The following LIN52 variants were observed in gnomAD, a reference collection of about 807,000 sequenced individuals.
The protein encoded by LIN52 is lin-52 DREAM MuvB core complex component.
In LIN52, 4 loss-of-function variants were observed where a neutral mutation model predicts 18.5. That is an observed-to-expected ratio of 0.22 (90% CI 0.11 to 0.49). LIN52 has a LOEUF of 0.49. LIN52 is among the 20% of genes least tolerant of loss of function. The probability of loss-of-function intolerance (pLI) is 0.97; values close to 1 mark genes in which losing one functional copy is unlikely to be tolerated. For synonymous variants in LIN52, 34 were observed against 45.5 expected, an observed-to-expected ratio of 0.75 and a Z score of 1.02; for missense variants, 102 against 139.5, an observed-to-expected ratio of 0.73 and a Z score of 1.35.
Position 74,138,445 on chromosome 14 carries a change from G to C in LIN52, c.283+37207G>C, listed in dbSNP as rs143725713. Among the ~76,000 whole-genome samples the C allele has an allele frequency of 4.0e-3, 613 of 152,296 alleles. 3 individuals are homozygous for C. Among genetic ancestry groups the C allele is most frequent in the Non-Finnish European group, 5.0e-3 (340 of 68,034 alleles). ...CTTGTGACTAGGAGAATACAATTTA[G>C]TGTGGAACTGAGATATGCATTATAA... is the stretch of plus-strand genomic sequence containing the variant. On this transcript the variant is annotated intron_variant, in intron 5 of 5. Transcript: ENST00000555028.
At chr14:74,128,800 C>T (rs1310075333) in intron 5 of LIN52, among the ~76,000 whole-genome samples, 2 of 151,994 alleles carry the variant, frequency 1.3e-5, no homozygotes, top group African/African-American at 4.8e-5. Flanking sequence ...GAACATTAGC[C>T]TGCTGTGGTG....
intron 5 of LIN52, among the ~76,000 whole-genome samples, chr14:74,144,772 A>G (rs1226164499): frequency 3.3e-5 from 5 of 152,252 alleles, no homozygotes; most frequent in Non-Finnish European, 5.9e-5. Flanking sequence ...GGTATGAATT[A>G]TTCTATAATT....
At chr14:74,186,737 G>A (rs1322496196) in intron 5 of LIN52, among the ~76,000 whole-genome samples, 1 of 151,744 alleles carries the variant, frequency 6.6e-6, no homozygotes, top group Non-Finnish European at 1.5e-5. Flanking sequence ...GGTGGCTCAC[G>A]CCTGTAATCT....
chr14:74,164,287 G>GT (rs59345368), intron 5 of LIN52, among the ~76,000 whole-genome samples: 114,860 of 148,372 alleles, frequency 0.77, 44,677 homozygotes, highest in Admixed American at 0.81. Context: ...AGCCGTTTTT[G>GT]TTTTTTTTTG....
intron 5 of LIN52, among the ~76,000 whole-genome samples, chr14:74,111,934 G>A (rs1445101892): frequency 6.6e-6 from 1 of 151,814 alleles, no homozygotes; most frequent in Non-Finnish European, 1.5e-5. Context: ...AGGCTGGAGT[G>A]CAATGGCGTG....
chr14:74,189,333 A>G (rs781310090), intron 5 of LIN52, among the ~76,000 whole-genome samples: 2 of 152,192 alleles, frequency 1.3e-5, no homozygotes, highest in Non-Finnish European at 2.9e-5. Context: ...ATGAGTATTT[A>G]ATAAAAGTTC....
At chr14:74,176,273 G>A (rs1025369472) in intron 5 of LIN52, among the ~76,000 whole-genome samples, 2 of 151,928 alleles carry the variant, frequency 1.3e-5, no homozygotes, top group Non-Finnish European at 2.9e-5. Flanking sequence ...AGCAATTTCC[G>A]GCTAGTTTTT....
chr14:74,096,071 A>G, intron 3 of LIN52, 86 bp downstream of exon 3: 1 of 922,832 alleles, frequency 1.1e-6, no homozygotes, highest in Non-Finnish European at 1.6e-6. Context: ...ATTTTATTTT[A>G]TTTTATTTAT....
chr14:74,120,571 A>G (rs1315482986), intron 5 of LIN52, among the ~76,000 whole-genome samples: 1 of 152,108 alleles, frequency 6.6e-6, no homozygotes, highest in Non-Finnish European at 1.5e-5. Flanking sequence ...CCTGGCCAGC[A>G]TTGTGAAACC....
chr14:74,106,509 C>T (rs1336677184), intron 5 of LIN52, among the ~76,000 whole-genome samples: 3 of 152,148 alleles, frequency 2.0e-5, no homozygotes, highest in African/African-American at 4.8e-5. Flanking sequence ...TGGGCTCAAC[C>T]AGTCCTCCCT....
intron 5 of LIN52, among the ~76,000 whole-genome samples, chr14:74,163,064 A>G (rs945793115): frequency 6.6e-6 from 1 of 152,144 alleles, no homozygotes. Flanking sequence ...TACCCTTTCT[A>G]TTCTCCCTTG....
At chr14:74,185,080 T>G (rs2139589440) in intron 5 of LIN52, among the ~76,000 whole-genome samples, 1 of 152,110 alleles carries the variant, frequency 6.6e-6, no homozygotes, top group Non-Finnish European at 1.5e-5. Flanking sequence ...TCTTATCCAT[T>G]TCTCCAAGGA....
chr14:74,096,223 G>A (rs1028834917), intron 3 of LIN52, among the ~76,000 whole-genome samples: 2 of 152,196 alleles, frequency 1.3e-5, no homozygotes, highest in Admixed American at 1.3e-4. Context: ...ACCACGCCCA[G>A]CTAATTTTTG....
chr14:74,164,363 C>T (rs1017811395), intron 5 of LIN52, among the ~76,000 whole-genome samples: 7 of 151,576 alleles, frequency 4.6e-5, no homozygotes, highest in African/African-American at 1.7e-4. Flanking sequence ...CGGCTCACTG[C>T]AACCTCTGTC....
chr14:74,142,525 A>G (rs537524048), intron 5 of LIN52, among the ~76,000 whole-genome samples: 241 of 152,264 alleles, frequency 1.6e-3, no homozygotes, highest in African/African-American at 4.5e-3. Context: ...TATTCAAAGC[A>G]GTAGCCACTA....
intron 5 of LIN52, among the ~76,000 whole-genome samples, chr14:74,160,877 G>A (rs1301094478): frequency 6.6e-6 from 1 of 152,176 alleles, no homozygotes; most frequent in East Asian, 1.9e-4. Context: ...CAAGGAAGAT[G>A]CCAGGAGAAG....
chr14:74,159,565 TTG>T (rs1190999012), intron 5 of LIN52, among the ~76,000 whole-genome samples: 8 of 37,354 alleles, frequency 2.1e-4, no homozygotes, highest in Admixed American at 3.4e-4. Flanking sequence ...TATGTGGGGT[TTG>T]TTTTTTTTTT....
At chr14:74,106,935 C>G (rs1235012983) in intron 5 of LIN52, among the ~76,000 whole-genome samples, 1 of 152,164 alleles carries the variant, frequency 6.6e-6, no homozygotes, top group Non-Finnish European at 1.5e-5. Context: ...TTGTCTTTTG[C>G]TCATAAATCA....
chr14:74,092,125 C>A (rs2060776111), intron 2 of LIN52, among the ~76,000 whole-genome samples: 2 of 151,452 alleles, frequency 1.3e-5, no homozygotes, highest in African/African-American at 4.9e-5. Flanking sequence ...TGCATGCCAC[C>A]ATGCCCGGCT....
Sources: allele counts gnomAD v4.1 joint callset (sites outside exome capture counted in the v4.1 genomes callset), GRCh38; gene constraint gnomAD v4.1.1; transcripts MANE v1.5; gene names NCBI Gene and HGNC (gene_info 2026-07-23, HGNC 2026-07-21).